The following DNASE1 variants were observed in gnomAD, a reference collection of about 807,000 sequenced individuals.
DNASE1 encodes deoxyribonuclease 1.
A neutral mutation model predicts 33.9 loss-of-function variants in DNASE1; 40 were observed. The observed-to-expected ratio is 1.18, with a 90% confidence interval of 0.92 to 1.54. DNASE1 has a LOEUF of 1.54. Ranked by LOEUF, DNASE1 falls within the 40% of genes most tolerant of loss-of-function variation. DNASE1 has a pLI of 0.00. For missense variants in DNASE1, 518 were observed against 372.6 expected (o/e 1.39, Z -3.21); for synonymous variants, 216 against 160.0 (o/e 1.35, Z -2.64).
chr16:3,657,261 G>T lies in DNASE1; in HGVS notation c.624G>T (p.Leu208=). ...CCTCCCAGTGGTCATCCATCCGCCT[G>T]TGGACAAGCCCCACCTTCCAGTGGC... ...VRPSQWSSIR[L]WTSPTFQWLI... The change falls in exon 7 of 9, where the codon CTG becomes CTT. Residue 208 remains leucine, a synonymous_variant. Transcript: ENST00000246949. 6.2e-7 allele frequency: 1 copy of T among 1,613,970 alleles called. No homozygotes were observed. The highest frequency in any genetic ancestry group is 8.5e-7 in the Non-Finnish European group (1 of 1,180,022).
chr16:3,637,890 C>G (rs1315651947), intron 1 of DNASE1, among the ~76,000 whole-genome samples: 3 of 152,168 alleles, frequency 2.0e-5, no homozygotes, highest in Non-Finnish European at 2.9e-5. Flanking sequence ...GTTGACATGT[C>G]TCCTGTGTCG....
chr16:3,625,686 G>A (rs990109032), intron 1 of DNASE1, among the ~76,000 whole-genome samples: 4 of 152,046 alleles, frequency 2.6e-5, no homozygotes, highest in African/African-American at 4.8e-5. Flanking sequence ...GGCATAGGAG[G>A]GAATCTTCAT....
upstream of DNASE1, chr16:3,640,722 A>G (rs565230026): frequency 2.5e-6 from 1 of 398,630 alleles, no homozygotes; most frequent in South Asian, 1.3e-4. Flanking sequence ...TAGTGACCAC[A>G]ATATGAATGG....
At chr16:3,650,780 G>A (rs928612575), upstream of DNASE1, 1 of 152,014 alleles carries the variant, frequency 6.6e-6, no homozygotes, top group Admixed American at 6.6e-5. Context: ...TGTGCCTGTC[G>A]AGCACCTCTT....
intron 1 of DNASE1, among the ~76,000 whole-genome samples, chr16:3,643,521 T>A (rs1318302906): frequency 6.6e-6 from 1 of 152,208 alleles, no homozygotes; most frequent in African/African-American, 2.4e-5. Flanking sequence ...CCTGATTCAC[T>A]GTCTCACTGC....
intron 1 of DNASE1, chr16:3,612,031 C>T (rs2040895228): frequency 6.6e-6 from 1 of 152,302 alleles, no homozygotes; most frequent in Admixed American, 6.6e-5. Context: ...GAGTCGAGGC[C>T]TGGAGGTCGG....
At chr16:3,654,282 T>C, upstream of DNASE1, 2 of 398,120 alleles carry the variant, frequency 5.0e-6, no homozygotes, top group Admixed American at 4.4e-5. Flanking sequence ...GCAATTGGGG[T>C]GGGCTTTGCA....
chr16:3,623,101 C>A (rs2041380673), intron 1 of DNASE1, among the ~76,000 whole-genome samples: 1 of 152,152 alleles, frequency 6.6e-6, no homozygotes, highest in African/African-American at 2.4e-5. Context: ...CCTAGCTACT[C>A]ATGCAGTAAC....
chr16:3,627,757 A>G (rs2041560739), intron 1 of DNASE1, among the ~76,000 whole-genome samples: 1 of 152,120 alleles, frequency 6.6e-6, no homozygotes, highest in South Asian at 2.1e-4. Context: ...ACTCTATTCC[A>G]ATAGTCTGTA....
At chr16:3,662,514 G>C (rs1462988215), downstream of DNASE1, 2 of 524,980 alleles carry the variant, frequency 3.8e-6, no homozygotes, top group Admixed American at 5.5e-5. Context: ...GCTCTCTGAA[G>C]CCCACCCAAA....
chr16:3,630,163 G>C (rs989792852), intron 1 of DNASE1, among the ~76,000 whole-genome samples: 1 of 151,580 alleles, frequency 6.6e-6, no homozygotes, highest in Non-Finnish European at 1.5e-5. Context: ...GTTTGTTGTT[G>C]TTTTGTTTTT....
chr16:3,634,170 C>G (rs147133792), intron 1 of DNASE1, among the ~76,000 whole-genome samples: 26 of 152,072 alleles, frequency 1.7e-4, no homozygotes, highest in African/African-American at 5.5e-4. Context: ...TTGACCCAAT[C>G]ATTGAATACA....
At chr16:3,658,792 C>A (rs746812631), downstream of DNASE1, 1 of 1,613,632 alleles carries the variant, frequency 6.2e-7, no homozygotes, top group Non-Finnish European at 8.5e-7. Context: ...GCTGCACTCA[C>A]CTGATCCACC....
At chr16:3,652,424 G>A (rs1375139787), upstream of DNASE1, 1 of 152,338 alleles carries the variant, frequency 6.6e-6, no homozygotes, top group East Asian at 1.9e-4. Context: ...AAACACCAAA[G>A]GCAGAGGACT....
At chr16:3,613,147 C>G (rs1195839785) in intron 1 of DNASE1, among the ~76,000 whole-genome samples, 1 of 152,094 alleles carries the variant, frequency 6.6e-6, no homozygotes, top group Non-Finnish European at 1.5e-5. Flanking sequence ...ATTCCCCCGA[C>G]CCCATCCCCT....
downstream of DNASE1, chr16:3,658,170 G>C (rs143664485): frequency 6.2e-7 from 1 of 1,613,942 alleles, no homozygotes; most frequent in South Asian, 1.1e-5. Context: ...TCATTCAAGC[G>C]GCCCACCATG....
At chr16:3,649,681 A>G (rs149700919) in intron 1 of DNASE1, among the ~76,000 whole-genome samples, 1 of 152,244 alleles carries the variant, frequency 6.6e-6, no homozygotes, top group Non-Finnish European at 1.5e-5. Context: ...TTATTTTAAT[A>G]GTAAGCCAAA....
At chr16:3,632,262 C>T (rs2041722293) in intron 1 of DNASE1, among the ~76,000 whole-genome samples, 1 of 152,080 alleles carries the variant, frequency 6.6e-6, no homozygotes, top group African/African-American at 2.4e-5. Flanking sequence ...TTCATTATGT[C>T]CTTACTGATT....
At position 3,657,785 on chromosome 16, in the gene DNASE1, TC is replaced by T. The variant is rs576876952; in HGVS notation, c.772del (p.Gln258ArgfsTer6). ...VVPDSALPFN[F>X]QAAYGLSDQL... ...CCCGACTCGGCTCTTCCCTTTAACT[TC>T]CAGGCTGCCTATGGCCTGAGTGACC... On this transcript the variant is annotated frameshift_variant, in exon 8 of 9. Transcript: ENST00000246949. LOFTEE classifies it low-confidence loss of function (END_TRUNC). 182 of 1,613,900 alleles carry T rather than the reference TC, an allele frequency of 1.1e-4. No individual in the cohort carries two copies. Among genetic ancestry groups the T allele is most frequent in the Non-Finnish European group, 1.5e-4 (177 of 1,180,026 alleles).
Sources: gnomAD v4.1 joint callset for allele counts (sites outside exome capture counted in the v4.1 genomes callset) on GRCh38, gnomAD v4.1.1 for gene constraint, MANE v1.5 for transcripts, NCBI Gene and HGNC (gene_info 2026-07-23, HGNC 2026-07-21) for gene names.